LOC400499: variants seen among roughly 807,000 people sequenced by gnomAD.
chr16:11,462,392 G>C, the LOC400499 span: 2 of 1,376,442 alleles, frequency 1.5e-6, no homozygotes, highest in Admixed American at 6.9e-5. Context: ...CAGGGCAGGA[G>C]ACAACATCGC....
At chr16:11,406,193 T>C in the LOC400499 span, among the ~76,000 whole-genome samples, 1 of 152,172 alleles carries the variant, frequency 6.6e-6, no homozygotes, top group Non-Finnish European at 1.5e-5. Flanking sequence ...TTTGGAGCCC[T>C]CAGTGTTTAC....
chr16:11,518,488 G>A, the LOC400499 span, among the ~76,000 whole-genome samples: 4 of 152,032 alleles, frequency 2.6e-5, no homozygotes, highest in South Asian at 2.1e-4. Context: ...CCATGGGCCC[G>A]GCAGTCCCAT....
At chr16:11,518,562 T>C in the LOC400499 span, among the ~76,000 whole-genome samples, 1 of 151,856 alleles carries the variant, frequency 6.6e-6, no homozygotes, top group Non-Finnish European at 1.5e-5. Flanking sequence ...AGGTGTGAAA[T>C]CTGGACATGC....
chr16:11,463,721 G>A, the LOC400499 span, among the ~76,000 whole-genome samples: 1 of 152,014 alleles, frequency 6.6e-6, no homozygotes, highest in Non-Finnish European at 1.5e-5. Flanking sequence ...ATGTGTGTGT[G>A]GATATATGTA....
the LOC400499 span, chr16:11,456,806 G>A: frequency 3.3e-6 from 5 of 1,526,500 alleles, no homozygotes; most frequent in South Asian, 1.2e-5. Context: ...GCAAAGGCCT[G>A]GAGATCAGAA....
chr16:11,516,236 G>C, the LOC400499 span: 6 of 399,588 alleles, frequency 1.5e-5, no homozygotes, highest in Non-Finnish European at 2.6e-5. Flanking sequence ...TGGCTCAGTG[G>C]GATGGGGACA....
chr16:11,475,821 G>C, the LOC400499 span: 1 of 391,508 alleles, frequency 2.6e-6, no homozygotes, highest in African/African-American at 2.1e-5. Flanking sequence ...ATTCTACCCT[G>C]AGCGGGGCCA....
chr16:11,507,169 C>A, the LOC400499 span, among the ~76,000 whole-genome samples: 1 of 152,206 alleles, frequency 6.6e-6, no homozygotes, highest in Non-Finnish European at 1.5e-5. Flanking sequence ...GCAGTGCTGT[C>A]TTCCCATCAA....
At chr16:11,473,732 G>A in the LOC400499 span, among the ~76,000 whole-genome samples, 89 of 147,902 alleles carry the variant, frequency 6.0e-4, 1 homozygote, top group African/African-American at 2.2e-3. Flanking sequence ...TCCAGCCTGG[G>A]CAACGAGAGT....
chr16:11,431,906 G>C, the LOC400499 span, among the ~76,000 whole-genome samples: 1 of 152,208 alleles, frequency 6.6e-6, no homozygotes, highest in African/African-American at 2.4e-5. Context: ...TGTGGCAGAA[G>C]TGACAATGTA....
At chr16:11,409,320 G>A in the LOC400499 span, among the ~76,000 whole-genome samples, 1 of 151,896 alleles carries the variant, frequency 6.6e-6, no homozygotes, top group Admixed American at 6.6e-5. Context: ...GGAAGGGTAG[G>A]GTGTAGAAGG....
chr16:11,499,363 G>T, the LOC400499 span, among the ~76,000 whole-genome samples: 1 of 150,266 alleles, frequency 6.7e-6, no homozygotes, highest in Non-Finnish European at 1.5e-5. Context: ...TGGGGGAAGG[G>T]GAAGGAGACA....
chr16:11,514,468 T>G, the LOC400499 span: 3 of 399,130 alleles, frequency 7.5e-6, no homozygotes, highest in Non-Finnish European at 1.3e-5. Flanking sequence ...AGTCCAGCTC[T>G]GTGCAGGAGG....
the LOC400499 span, chr16:11,448,875 G>A: frequency 7.3e-7 from 1 of 1,364,952 alleles, no homozygotes; most frequent in Non-Finnish European, 9.7e-7. Context: ...CCGAGGTGAG[G>A]GATTCGGTGG....
chr16:11,391,151 CCAGT>C, the LOC400499 span, among the ~76,000 whole-genome samples: 5 of 152,254 alleles, frequency 3.3e-5, no homozygotes, highest in East Asian at 3.8e-4. Context: ...CATTCAACAG[CCAGT>C]CAGAGGGATG....
At chr16:11,390,812 C>T in the LOC400499 span, among the ~76,000 whole-genome samples, 3 of 152,264 alleles carry the variant, frequency 2.0e-5, no homozygotes, top group Admixed American at 6.5e-5. Context: ...CAGTGTGGTC[C>T]GTGCCAAGCA....
chr16:11,513,728 G>A, the LOC400499 span, among the ~76,000 whole-genome samples: 2 of 152,032 alleles, frequency 1.3e-5, no homozygotes, highest in Non-Finnish European at 2.9e-5. Flanking sequence ...ACTACATCTG[G>A]CCAAAATTTT....
the LOC400499 span, among the ~76,000 whole-genome samples, chr16:11,500,511 A>AAATAATAATAATAATAATAATAAT: frequency 7.6e-3 from 1,087 of 143,888 alleles, 3 homozygotes; most frequent in East Asian, 0.012. Flanking sequence ...ACTCCGTCCT[A>AAATAATAATAATAATAATAATAAT]AATAATAATA....
the LOC400499 span, among the ~76,000 whole-genome samples, chr16:11,378,586 G>A: frequency 6.6e-6 from 1 of 152,106 alleles, no homozygotes; most frequent in Non-Finnish European, 1.5e-5. Flanking sequence ...ATTTAAGTGT[G>A]TACAGCTACA....
Sources: gnomAD v4.1 joint callset for allele counts (sites outside exome capture counted in the v4.1 genomes callset) on GRCh38, gnomAD v4.1.1 for gene constraint, MANE v1.5 for transcripts.